CD99: variants seen among roughly 807,000 people sequenced by gnomAD.
CD99 encodes the protein CD99 antigen.
CD99 carries 19 observed loss-of-function variants against 28.4 expected under a neutral mutation model. The ratio of observed to expected loss-of-function variants is 0.67; its 90% CI spans 0.47 to 0.98. The LOEUF (loss-of-function observed/expected upper bound fraction) is 0.98, where lower values mean the gene tolerates loss of function less well. Ranked by LOEUF, CD99 falls within the 50% of genes least tolerant of loss-of-function variation. The pLI, the probability that CD99 is intolerant of heterozygous loss-of-function variation, is 0.00. For missense variants in CD99, 283 were observed against 248.8 expected (o/e 1.14, Z -0.92); for synonymous variants, 103 against 92.1 (o/e 1.12, Z -0.67).
intron 9 of CD99, among the ~76,000 whole-genome samples, chrX:2,740,469 G>C (rs1311217556): frequency 1.3e-5 from 2 of 152,124 alleles, no homozygotes; most frequent in African/African-American, 4.8e-5. Flanking sequence ...CTCTCATTTA[G>C]AAGATTTATT....
chrX:2,724,897 C>CAA (rs928597818), intron 7 of CD99, among the ~76,000 whole-genome samples: 6,513 of 120,036 alleles, frequency 0.054, 585 homozygotes, highest in African/African-American at 0.19. Context: ...GACTGCATTT[C>CAA]AAAAAAAAAA....
chrX:2,722,830 T>C (rs1354242951), intron 6 of CD99, 156 bp downstream of exon 6: 1 of 268,958 alleles, frequency 3.7e-6, no homozygotes, highest in Non-Finnish European at 5.7e-6. Context: ...TTGCTGAGGC[T>C]TCAAGGATGT....
Position 2,717,363 on chromosome X carries a change from A to AC in CD99, c.101-242_101-241insC, listed in dbSNP as rs1195349402. The AC allele has an allele frequency of 3.3e-5, 16 of 491,174 alleles. No individual in the cohort carries two copies. In the Admixed American group the frequency reaches 5.6e-4, roughly 17 times the overall value. 30.4% of individuals were successfully genotyped at this position (491,174 alleles called of 1,614,324 possible). ...ACTTGGTCTCAAAAAAAAAAAAAAA[A>AC]GAAGTGGAGAAGGGGCTCCTGGTCT... On this transcript the variant is annotated intron_variant, in intron 2 of 9. Coordinates refer to ENST00000381192, the MANE Select transcript of CD99 (RefSeq NM_002414.5).
intron 8 of CD99, among the ~76,000 whole-genome samples, chrX:2,735,998 C>A (rs754047269): frequency 1.3e-5 from 2 of 151,806 alleles, no homozygotes; most frequent in African/African-American, 4.8e-5. Flanking sequence ...GTCAGGAGAT[C>A]GAGACCATCC....
rs190201562 is a variant in CD99, at chrX:2,709,865, A to T, written c.68-4557A>T. Among the ~76,000 whole-genome samples, 954 of 152,232 alleles carry T rather than the reference A, an allele frequency of 6.3e-3. 9 individuals carry two copies. Among genetic ancestry groups the T allele is most frequent in the African/African-American group, 0.022 (920 of 41,538 alleles). On this transcript the variant is annotated intron_variant, in intron 1 of 9. Coordinates refer to ENST00000381192, the MANE Select transcript of CD99 (RefSeq NM_002414.5). ...TGCCCAGCAAGAAGCATGGACCTAA[A>T]CCCGAAGGTGGTTGGGGGAAGCTTG...
At chrX:2,716,596 A>G (rs185351047) in intron 2 of CD99, among the ~76,000 whole-genome samples, 2,174 of 152,048 alleles carry the variant, frequency 0.014, 25 homozygotes, top group Non-Finnish European at 0.022. Flanking sequence ...GGTTCGAGCA[A>G]TCCTCCCACC....
At chrX:2,698,696 A>G in intron 1 of CD99, among the ~76,000 whole-genome samples, 1 of 152,232 alleles carries the variant, frequency 6.6e-6, no homozygotes, top group African/African-American at 2.4e-5. Context: ...ACATATTTTA[A>G]TCCTACAGAG....
intron 1 of CD99, among the ~76,000 whole-genome samples, chrX:2,694,295 A>T (rs374338509): frequency 0.029 from 4,016 of 140,142 alleles, 70 homozygotes; most frequent in East Asian, 0.087. Flanking sequence ...TTTTTTTTTT[A>T]ACTCTCTCCA....
At chrX:2,734,772 ATTTCT>A (rs914739103) in intron 8 of CD99, among the ~76,000 whole-genome samples, 2 of 96,796 alleles carry the variant, frequency 2.1e-5, no homozygotes, top group African/African-American at 8.0e-5. Flanking sequence ...GACTTTTCTG[ATTTCT>A]TTTTTTTTCT....
chrX:2,716,687 G>T (rs952446638), intron 2 of CD99, among the ~76,000 whole-genome samples: 1 of 152,210 alleles, frequency 6.6e-6, no homozygotes, highest in Admixed American at 6.5e-5. Flanking sequence ...TTTATGTCCT[G>T]TGGTGCAGTG....
intron 8 of CD99, among the ~76,000 whole-genome samples, chrX:2,737,473 C>A (rs1243545420): frequency 6.7e-6 from 1 of 148,600 alleles, no homozygotes; most frequent in Non-Finnish European, 1.5e-5. Flanking sequence ...CCATGCCCAG[C>A]CTCTGCATTT....
intron 7 of CD99, among the ~76,000 whole-genome samples, chrX:2,725,576 C>T (rs1201656539): frequency 6.6e-6 from 1 of 152,132 alleles, no homozygotes; most frequent in Non-Finnish European, 1.5e-5. Context: ...TGCCTGGGCT[C>T]CTTCCTCCAG....
intron 8 of CD99, among the ~76,000 whole-genome samples, chrX:2,733,949 CA>C (rs1422831715): frequency 6.6e-6 from 1 of 152,196 alleles, no homozygotes; most frequent in Non-Finnish European, 1.5e-5. Flanking sequence ...CCTAGAAAAA[CA>C]AAATTCATAC....
intron 1 of CD99, among the ~76,000 whole-genome samples, chrX:2,692,693 C>T (rs1000692247): frequency 8.5e-5 from 13 of 152,148 alleles, no homozygotes; most frequent in Non-Finnish European, 1.5e-4. Context: ...AACCTGTCAC[C>T]ACGGACGGGA....
chrX:2,720,226 TACAGGTATC>T, intron 4 of CD99, 121 bp from the exon 5 acceptor site: 1 of 764,966 alleles, frequency 1.3e-6, no homozygotes, highest in Non-Finnish European at 2.4e-6. Context: ...ACTGTGTGTG[TACAGGTATC>T]CCCACCAGGA....
At chrX:2,715,939 A>C (rs311074) in intron 2 of CD99, among the ~76,000 whole-genome samples, 4 of 151,854 alleles carry the variant, frequency 2.6e-5, no homozygotes, top group African/African-American at 9.7e-5. Context: ...CCCTGTTTCC[A>C]AGTAAGATCA....
chrX:2,739,779 A>G (rs1336260460), intron 9 of CD99, among the ~76,000 whole-genome samples: 1 of 151,348 alleles, frequency 6.6e-6, no homozygotes, highest in Non-Finnish European at 1.5e-5. Context: ...AGAGACTTCT[A>G]CAAAGTTAGT....
intron 1 of CD99, among the ~76,000 whole-genome samples, chrX:2,695,592 T>A (rs903100709): frequency 2.0e-5 from 3 of 151,686 alleles, no homozygotes; most frequent in Non-Finnish European, 2.9e-5. Flanking sequence ...TAAATTTTTT[T>A]GTAGAGACAG....
At chrX:2,692,662 C>G (rs1182234976) in intron 1 of CD99, among the ~76,000 whole-genome samples, 1 of 129,890 alleles carries the variant, frequency 7.7e-6, no homozygotes, top group African/African-American at 3.2e-5. Context: ...CCTTTTCTTC[C>G]TAAATGTCCT....
Sources: gnomAD v4.1 joint callset for allele counts (sites outside exome capture counted in the v4.1 genomes callset) on GRCh38, gnomAD v4.1.1 for gene constraint, MANE v1.5 for transcripts, NCBI Gene and HGNC (gene_info 2026-07-23, HGNC 2026-07-21) for gene names.